The following SIRPA variants were observed in gnomAD, a reference collection of about 807,000 sequenced individuals.
SIRPA encodes tyrosine-protein phosphatase non-receptor type substrate 1.
SIRPA carries 9 observed loss-of-function variants against 50.3 expected under a neutral mutation model. The observed-to-expected ratio is 0.18, with a 90% confidence interval of 0.11 to 0.31. The LOEUF is 0.31. SIRPA is among the 10% of genes least tolerant of loss of function. The pLI, the probability that SIRPA is intolerant of heterozygous loss-of-function variation, is 1.00. For missense variants in SIRPA, 474 were observed against 661.6 expected (o/e 0.72, Z 3.11); for synonymous variants, 265 against 284.1 (o/e 0.93, Z 0.68).
At position 1,932,011 on chromosome 20, in the gene SIRPA, G is replaced by A. The variant is rs1986323845; in HGVS notation, c.1227-2704G>A. ...GAGGGTTGCAAAGGGGAGCAGAAAA[G>A]GCCCACCCCTGGTCTCATGGCACTT... On this transcript the variant is annotated intron_variant, in intron 6 of 7. Coordinates refer to ENST00000358771, the MANE Select transcript of SIRPA (RefSeq NM_001040023.2). The surrounding 1 kb of genome is among the most constrained non-coding windows in gnomAD (Gnocchi z 6.0). 2.0e-5 allele frequency among the ~76,000 whole-genome samples: 3 copies of A among 152,284 alleles called. No homozygotes were observed. In the South Asian group the frequency reaches 6.2e-4, roughly 32 times the overall value.
chr20:1,922,246 G>T lies in SIRPA; in HGVS notation c.755-67G>T, dbSNP rs887417961. ...GACCTCACCGTGGTGGGGGAGCTAC[G>T]TTATGGAGCCCTCCCTGTGATCTGT... is the stretch of plus-strand genomic sequence containing the variant. On this transcript the variant is annotated intron_variant, in intron 3 of 7. Transcript: ENST00000358771. 6.3e-6 allele frequency: 10 copies of T among 1,599,804 alleles called. No homozygotes were observed. In the East Asian group the frequency reaches 2.0e-4, roughly 32 times the overall value.
Position 1,923,350 on chromosome 20 carries a change from C to G in SIRPA, c.1087+705C>G, listed in dbSNP as rs540990170. 5.3e-5 allele frequency among the ~76,000 whole-genome samples: 8 copies of G among 152,362 alleles called. No individual in the cohort carries two copies. In the South Asian group the frequency reaches 1.7e-3, roughly 32 times the overall value. ...TCAGTGCAGCCATGGAATATTTCATCACCTGTTATCAATGTGGCTGATGCC... is the reference window on the plus strand; with the variant it reads ...TCAGTGCAGCCATGGAATATTTCATGACCTGTTATCAATGTGGCTGATGCC... On this transcript the variant is annotated intron_variant, in intron 4 of 7. Coordinates refer to ENST00000358771, the MANE Select transcript of SIRPA (RefSeq NM_001040023.2).
intron 5 of SIRPA, among the ~76,000 whole-genome samples, chr20:1,925,334 T>C (rs755410450): frequency 6.6e-6 from 1 of 152,176 alleles, no homozygotes; most frequent in African/African-American, 2.4e-5. Flanking sequence ...TAACAAGTGA[T>C]TGCATGGGAA....
chr20:1,909,887 C>A (rs991162127), intron 1 of SIRPA, among the ~76,000 whole-genome samples: 1 of 152,108 alleles, frequency 6.6e-6, no homozygotes, highest in African/African-American at 2.4e-5. Flanking sequence ...TTTAAGAAAT[C>A]AAATATATTT....
chr20:1,915,151 G>A lies in SIRPA; in HGVS notation c.132G>A (p.Leu44=), dbSNP rs146490405. ...LQVIQPDKSV[L]VAAGETATLR... ...TGATTCAGCCTGACAAGTCCGTGTTGGTTGCAGCTGGAGAGACAGCCACTC... is the reference window on the plus strand; with the variant it reads ...TGATTCAGCCTGACAAGTCCGTGTTAGTTGCAGCTGGAGAGACAGCCACTC... Residue 44 remains leucine (L), a synonymous_variant, in exon 2 of 8, where the codon TTG becomes TTA. Coordinates refer to ENST00000358771, the MANE Select transcript of SIRPA (RefSeq NM_001040023.2). 357,399 of 1,239,870 alleles carry A rather than the reference G, an allele frequency of 0.29. 94,324 individuals are homozygous for A. Among genetic ancestry groups the A allele is most frequent in the East Asian group, 0.65 (25,714 of 39,446 alleles). The allele number at this position is 1,239,870 out of a possible 1,614,324, so 76.8% of individuals were successfully genotyped here.
chr20:1,927,726 T>C lies in SIRPA; in HGVS notation c.1202-149T>C, dbSNP rs1036315775. 5 of 717,248 alleles carry C rather than the reference T, an allele frequency of 7.0e-6. No homozygotes were observed. The highest frequency in any genetic ancestry group is 2.0e-5 in the Admixed American group (1 of 49,704). 44.4% of individuals were successfully genotyped at this position (717,248 alleles called of 1,614,324 possible). A position where few individuals can be genotyped will look rare whatever the true frequency, so the allele number is the denominator to read the frequency against. Reference sequence around the variant, plus strand: ...TTGGTGGAAGAGGATGCCCACTGGGTGGGCATGGGGGTCTCCTGTGGTTCC... The same window carrying C: ...TTGGTGGAAGAGGATGCCCACTGGGCGGGCATGGGGGTCTCCTGTGGTTCC... On this transcript the variant is annotated intron_variant, in intron 5 of 7. Coordinates refer to ENST00000358771, the MANE Select transcript of SIRPA (RefSeq NM_001040023.2). The surrounding 1 kb of genome is among the most constrained non-coding windows in gnomAD (Gnocchi z 6.5).
At chr20:1,916,170 C>T (rs1475129680) in intron 2 of SIRPA, among the ~76,000 whole-genome samples, 1 of 152,194 alleles carries the variant, frequency 6.6e-6, no homozygotes, top group Non-Finnish European at 1.5e-5. Flanking sequence ...GGGAGGAGGT[C>T]TCCCTTCTAG....
intron 1 of SIRPA, among the ~76,000 whole-genome samples, chr20:1,900,399 T>C (rs750776447): frequency 3.9e-5 from 6 of 152,198 alleles, no homozygotes; most frequent in Non-Finnish European, 1.5e-5. Flanking sequence ...GCTGTCCTTG[T>C]AGCTTTTATG....
intron 4 of SIRPA, 96 bp downstream of exon 4, chr20:1,922,741 C>CA: frequency 7.4e-7 from 1 of 1,345,674 alleles, no homozygotes. Flanking sequence ...TATTATAGAA[C>CA]AATCTAGAAG....
At chr20:1,899,703 A>G (rs1984053739) in intron 1 of SIRPA, among the ~76,000 whole-genome samples, 1 of 152,146 alleles carries the variant, frequency 6.6e-6, no homozygotes, top group South Asian at 2.1e-4. Context: ...CCACGCAGAC[A>G]CACACCCTGG....
intron 5 of SIRPA, among the ~76,000 whole-genome samples, chr20:1,926,553 A>C (rs1237279704): frequency 6.6e-6 from 1 of 152,240 alleles, no homozygotes; most frequent in Non-Finnish European, 1.5e-5. Context: ...GCTCTCAAAC[A>C]CAGGCTCCAG....
intron 1 of SIRPA, among the ~76,000 whole-genome samples, chr20:1,909,252 G>A (rs1243745216): frequency 6.6e-6 from 1 of 152,254 alleles, no homozygotes; most frequent in East Asian, 1.9e-4. Flanking sequence ...CCTCCTGCCT[G>A]TCCCTGTGGC....
intron 1 of SIRPA, among the ~76,000 whole-genome samples, chr20:1,911,789 G>A (rs1054554545): frequency 3.9e-5 from 6 of 152,050 alleles, no homozygotes; most frequent in African/African-American, 1.4e-4. Flanking sequence ...TCCCTGAGAC[G>A]GTTCAGGCCC....
rs1339926549 is a variant in SIRPA at position 1,934,236 on chromosome 20, T to TAA, written c.1227-477_1227-476dup. Among the ~76,000 whole-genome samples the TAA allele has an allele frequency of 6.6e-6, 1 of 152,194 alleles. No homozygotes were observed. The highest frequency in any genetic ancestry group is 2.4e-5 in the African/African-American group (1 of 41,462). On this transcript the variant is annotated intron_variant, in intron 6 of 7. Coordinates refer to ENST00000358771, the MANE Select transcript of SIRPA (RefSeq NM_001040023.2). The surrounding 1 kb of genome is among the most constrained non-coding windows in gnomAD (Gnocchi z 4.6). The stretch of plus-strand genomic sequence containing the variant: ...TCCCAATTGGCAGAGCCCTAAGACA[T>TAA]AAACCTCCTCCCCCATCCAGCCCTT...
At chr20:1,935,332 G>A (rs1029698781) in intron 7 of SIRPA, among the ~76,000 whole-genome samples, 2 of 152,222 alleles carry the variant, frequency 1.3e-5, no homozygotes, top group Admixed American at 6.5e-5. Flanking sequence ...GCTTATCACC[G>A]GCTGATGCTG....
intron 4 of SIRPA, among the ~76,000 whole-genome samples, chr20:1,923,850 C>T (rs2122123259): frequency 6.6e-6 from 1 of 152,340 alleles, no homozygotes; most frequent in East Asian, 1.9e-4. Flanking sequence ...CATGACCCCT[C>T]AGCTCTGAGT....
Position 1,924,823 on chromosome 20 carries a change from C to G in SIRPA, c.1147C>G (p.Leu383Val). Residue 383 changes from leucine (L) to valine (V), a missense_variant, in exon 5 of 8, where the codon CTG becomes GTG. Leu to Val is a conservative substitution (Grantham distance 32). Around this residue, in one of 4 missense-constraint regions of SIRPA, gnomAD observed 180 missense variants for 206.7 expected, o/e 0.87. Transcript: ENST00000358771. The surrounding 1 kb of genome is among the most constrained non-coding windows in gnomAD (Gnocchi z 4.5). Reference protein sequence around the residue: ...YIVVGVVCTLLVALLMAALYL... With the variant: ...YIVVGVVCTLVVALLMAALYL... ...TGTGGTGGGTGTGGTGTGCACCTTG[C>G]TGGTGGCCCTACTGATGGCGGCCCT... 6.2e-7 allele frequency: 1 copy of G among 1,614,194 alleles called. No homozygotes were observed. Among genetic ancestry groups the G allele is most frequent in the South Asian group, 1.1e-5 (1 of 91,086 alleles).
At position 1,936,191 on chromosome 20, in the gene SIRPA, G is replaced by A. The variant is rs1213255804; in HGVS notation, c.1267-1129G>A. On this transcript the variant is annotated intron_variant, in intron 7 of 7. Coordinates refer to ENST00000358771, the MANE Select transcript of SIRPA (RefSeq NM_001040023.2). The surrounding 1 kb of genome is among the most constrained non-coding windows in gnomAD (Gnocchi z 4.2). ...TGGTAGCTTTATTCTGTTCTATCAC[G>A]CAGGGGCCAGTCACAGAGGGAGCAA... Among the ~76,000 whole-genome samples, 6 of 152,116 alleles carry A rather than the reference G, an allele frequency of 3.9e-5. No homozygotes were observed. The highest frequency in any genetic ancestry group is 1.2e-4 in the African/African-American group (5 of 41,426).
In SIRPA at chr20:1,911,276, AC is replaced by A. The variant is rs143779110; in HGVS notation, c.80-3821del. On this transcript the variant is annotated intron_variant, in intron 1 of 7. Transcript: ENST00000358771. ...AAAATGTCTGCACATATTCTTAGTT[AC>A]CTAAAGGTATGATGTTAGATTGTTT... 8.1e-3 allele frequency among the ~76,000 whole-genome samples: 1,238 copies of A among 152,344 alleles called. 16 individuals are homozygous for A. The highest frequency in any genetic ancestry group is 0.028 in the African/African-American group (1,148 of 41,572).
Sources: gnomAD v4.1 joint callset for allele counts (sites outside exome capture counted in the v4.1 genomes callset) on GRCh38, gnomAD v4.1.1 for gene constraint, gnomAD v4.1.1 regional missense constraint, Gnocchi (gnomAD v3.1) non-coding constraint, MANE v1.5 for transcripts, NCBI Gene and HGNC (gene_info 2026-07-23, HGNC 2026-07-21) for gene names.